The following PRKCA variants were observed in gnomAD, a reference collection of about 807,000 sequenced individuals.
PRKCA encodes the protein protein kinase C alpha type.
PRKCA carries 27 observed loss-of-function variants against 87.0 expected under a neutral mutation model. The ratio of observed to expected loss-of-function variants is 0.31; its 90% CI spans 0.23 to 0.43. The LOEUF (loss-of-function observed/expected upper bound fraction) is 0.43, where lower values mean the gene tolerates loss of function less well. PRKCA is among the 20% of genes least tolerant of loss of function. The pLI is 1.00. For synonymous variants in PRKCA, 329 were observed against 311.1 expected, an observed-to-expected ratio of 1.06 and a Z score of -0.61; for missense variants, 518 against 852.3, an observed-to-expected ratio of 0.61 and a Z score of 4.88.
chr17:66,415,899 G>A (rs1912118687), intron 2 of PRKCA: 2 of 152,186 alleles, frequency 1.3e-5, no homozygotes, highest in African/African-American at 4.8e-5. Context: ...TTATAATTAA[G>A]GTCAGTCCTT....
At chr17:66,509,341 C>G (rs1250535534) in intron 3 of PRKCA, among the ~76,000 whole-genome samples, 2 of 152,062 alleles carry the variant, frequency 1.3e-5, no homozygotes, top group East Asian at 1.9e-4. Flanking sequence ...TTCTGAAGGT[C>G]TGGGAGCCAG....
chr17:66,741,044 C>T (rs984074360), intron 11 of PRKCA, among the ~76,000 whole-genome samples: 11 of 152,300 alleles, frequency 7.2e-5, no homozygotes, highest in African/African-American at 9.6e-5. Context: ...ACTTCAAAGA[C>T]TCCTGAATGC....
chr17:66,389,928 T>C (rs1408834971), intron 2 of PRKCA, among the ~76,000 whole-genome samples: 1 of 152,190 alleles, frequency 6.6e-6, no homozygotes, highest in Admixed American at 6.5e-5. Context: ...TGGAATAACA[T>C]AAAATCATGA....
chr17:66,667,132 C>G (rs1030037132), intron 5 of PRKCA, among the ~76,000 whole-genome samples: 10 of 152,142 alleles, frequency 6.6e-5, no homozygotes, highest in Non-Finnish European at 1.2e-4. Flanking sequence ...CAGTCCCTTC[C>G]CCCACCTCTG....
intron 3 of PRKCA, among the ~76,000 whole-genome samples, chr17:66,518,259 C>T (rs946795816): frequency 6.6e-6 from 1 of 152,110 alleles, no homozygotes; most frequent in East Asian, 1.9e-4. Flanking sequence ...TGATGATGAG[C>T]ACAGTAGAAA....
At chr17:66,742,163 C>G (rs764328253) in intron 12 of PRKCA, among the ~76,000 whole-genome samples, 6 of 152,136 alleles carry the variant, frequency 3.9e-5, no homozygotes, top group Non-Finnish European at 5.9e-5. Context: ...GAATTTCTTC[C>G]AGTATTAATT....
chr17:66,726,742 C>G (rs1333541560), intron 8 of PRKCA, among the ~76,000 whole-genome samples: 1 of 140,490 alleles, frequency 7.1e-6, no homozygotes, highest in East Asian at 2.1e-4. Context: ...TTTTTTTTTT[C>G]GAGACAGGGT....
chr17:66,651,090 A>G (rs537686254), intron 5 of PRKCA, among the ~76,000 whole-genome samples: 60 of 152,258 alleles, frequency 3.9e-4, no homozygotes, highest in Middle Eastern at 3.4e-3. Context: ...ACAGCTTCAC[A>G]TCGGAAGTGC....
At chr17:66,325,025 G>T (rs954735722) in intron 2 of PRKCA, among the ~76,000 whole-genome samples, 1 of 152,186 alleles carries the variant, frequency 6.6e-6, no homozygotes, top group Non-Finnish European at 1.5e-5. Flanking sequence ...TACCCTGCTA[G>T]TCAGTGTTTC....
chr17:66,576,921 C>G (rs1248861217), intron 3 of PRKCA, among the ~76,000 whole-genome samples: 1 of 147,884 alleles, frequency 6.8e-6, no homozygotes, highest in Non-Finnish European at 1.5e-5. Context: ...TTAACCCAGG[C>G]TGGAGTCCAG....
intron 8 of PRKCA, among the ~76,000 whole-genome samples, chr17:66,690,847 A>G (rs1195623257): frequency 6.7e-6 from 1 of 148,700 alleles, no homozygotes; most frequent in East Asian, 2.0e-4. Flanking sequence ...AAAAAAAAAA[A>G]AAAAATTTAG....
intron 8 of PRKCA, among the ~76,000 whole-genome samples, chr17:66,707,000 TTG>T (rs1429855081): frequency 2.0e-5 from 3 of 152,182 alleles, no homozygotes; most frequent in Non-Finnish European, 2.9e-5. Context: ...TGTTCAAAGC[TTG>T]TTAGTGCAGG....
At chr17:66,699,846 G>A (rs8078810) in intron 8 of PRKCA, among the ~76,000 whole-genome samples, 5,556 of 152,304 alleles carry the variant, frequency 0.036, 331 homozygotes, top group African/African-American at 0.13. Context: ...TCCTCCCTTT[G>A]CTGGGCCACT....
chr17:66,418,440 C>CTTTTTTTTTTTTT (rs113526885), intron 2 of PRKCA, among the ~76,000 whole-genome samples: 1 of 142,244 alleles, frequency 7.0e-6, no homozygotes. Flanking sequence ...TTGTTTTAGC[C>CTTTTTTTTTTTTT]TTTTTTTTTT....
chr17:66,498,781 CACAT>C (rs1233265645), intron 3 of PRKCA, among the ~76,000 whole-genome samples: 4 of 152,184 alleles, frequency 2.6e-5, no homozygotes, highest in African/African-American at 9.7e-5. Context: ...CATGTGTGCA[CACAT>C]GCATGCTGGG....
Position 66,491,077 on chromosome 17 carries a change from G to A in PRKCA, c.206-5124G>A, listed in dbSNP as rs191031165. On this transcript the variant is annotated intron_variant, in intron 2 of 16. Coordinates refer to ENST00000413366, the MANE Select transcript of PRKCA (RefSeq NM_002737.3). ...ATGTCAAGATTTGTTATTTGGCCAA[G>A]TCTGTGGTCTTTATTATTTTTTTGT... Among the ~76,000 whole-genome samples, 353 of 152,344 alleles carry A rather than the reference G, an allele frequency of 2.3e-3. 2 individuals are homozygous for A. The highest frequency in any genetic ancestry group is 7.9e-3 in the African/African-American group (328 of 41,574).
At chr17:66,402,679 C>T (rs1002600217) in intron 2 of PRKCA, among the ~76,000 whole-genome samples, 1 of 151,978 alleles carries the variant, frequency 6.6e-6, no homozygotes. Flanking sequence ...AATAAGAGAG[C>T]CCAGTTTCTC....
intron 3 of PRKCA, among the ~76,000 whole-genome samples, chr17:66,576,564 CT>C (rs1969242181): frequency 6.6e-6 from 1 of 152,212 alleles, no homozygotes; most frequent in African/African-American, 2.4e-5. Flanking sequence ...TGCTTGAGGA[CT>C]TTTTTCATGC....
intron 3 of PRKCA, among the ~76,000 whole-genome samples, chr17:66,551,808 T>C (rs1968342849): frequency 6.6e-6 from 1 of 152,040 alleles, no homozygotes; most frequent in African/African-American, 2.4e-5. Flanking sequence ...AGGGGGGAAT[T>C]ATCTTTCTCT....
Sources: allele counts gnomAD v4.1 joint callset (sites outside exome capture counted in the v4.1 genomes callset), GRCh38; gene constraint gnomAD v4.1.1; transcripts MANE v1.5; gene names NCBI Gene and HGNC (gene_info 2026-07-23, HGNC 2026-07-21).